The following STK3 variants were observed in gnomAD, a reference collection of about 807,000 sequenced individuals.
The protein encoded by STK3 is serine/threonine kinase 3.
STK3 carries 41 observed loss-of-function variants against 58.0 expected under a neutral mutation model. The observed-to-expected ratio is 0.71, with a 90% CI of 0.55 to 0.92. The LOEUF (loss-of-function observed/expected upper bound fraction) is 0.92. Ranked by LOEUF, STK3 falls within the 40% of genes least tolerant of loss-of-function variation. The pLI, the probability that STK3 is intolerant of heterozygous loss-of-function variation, is 0.00. For missense variants in STK3, 479 were observed against 602.7 expected (o/e 0.79, Z 2.15); for synonymous variants, 170 against 191.0 (o/e 0.89, Z 0.91).
chr8:98,364,264 T>TC, the STK3 span, among the ~76,000 whole-genome samples: 1 of 152,186 alleles, frequency 6.6e-6, no homozygotes, highest in African/African-American at 2.4e-5. Flanking sequence ...TCGCCTGCTT[T>TC]CCATCAGCCG....
intron 1 of STK3, among the ~76,000 whole-genome samples, chr8:98,813,077 C>A (rs1326546246): frequency 1.3e-5 from 2 of 151,580 alleles, no homozygotes; most frequent in Non-Finnish European, 2.9e-5. Flanking sequence ...TCAAAAGATG[C>A]TGACGACGTC....
chr8:98,591,371 G>C (rs1333069676), intron 7 of STK3, among the ~76,000 whole-genome samples: 1 of 152,164 alleles, frequency 6.6e-6, no homozygotes, highest in African/African-American at 2.4e-5. Context: ...CACGTTTTTG[G>C]TAGGCTAGGC....
At chr8:98,902,720 T>A (rs532647527) in intron 1 of STK3, among the ~76,000 whole-genome samples, 84 of 152,216 alleles carry the variant, frequency 5.5e-4, no homozygotes, top group Non-Finnish European at 1.0e-3. Flanking sequence ...CATGTCACTA[T>A]CCTACACAAA....
At chr8:98,848,674 T>C (rs1836312117) in intron 3 of STK3, among the ~76,000 whole-genome samples, 1 of 152,262 alleles carries the variant, frequency 6.6e-6, no homozygotes, top group Non-Finnish European at 1.5e-5. Context: ...TGGTAGCATA[T>C]ATCAGAACTT....
chr8:98,435,279 T>C (rs1818446453), intron 2 of STK3, among the ~76,000 whole-genome samples: 1 of 152,146 alleles, frequency 6.6e-6, no homozygotes, highest in Non-Finnish European at 1.5e-5. Context: ...GAAAAAACCT[T>C]TTCCTCCAGT....
upstream of STK3, among the ~76,000 whole-genome samples, chr8:98,389,982 C>T (rs1001797760): frequency 2.6e-5 from 4 of 152,110 alleles, no homozygotes; most frequent in East Asian, 7.7e-4. Context: ...CCCCCTTTCC[C>T]CACAGCACTG....
At chr8:98,699,163 AG>A (rs1825293946) in intron 6 of STK3, among the ~76,000 whole-genome samples, 1 of 152,018 alleles carries the variant, frequency 6.6e-6, no homozygotes, top group Non-Finnish European at 1.5e-5. Flanking sequence ...TCGGCTCCTG[AG>A]GCTTCTGCAT....
intron 6 of STK3, among the ~76,000 whole-genome samples, chr8:98,653,190 G>T (rs768493334): frequency 6.6e-6 from 1 of 152,060 alleles, no homozygotes; most frequent in Non-Finnish European, 1.5e-5. Flanking sequence ...ACTCAAAACC[G>T]CTCAACTACA....
intron 6 of STK3, among the ~76,000 whole-genome samples, chr8:98,704,534 T>A (rs1398911276): frequency 1.3e-5 from 2 of 151,712 alleles, no homozygotes; most frequent in African/African-American, 4.8e-5. Flanking sequence ...AAAATCCAAG[T>A]TGGGACTTGA....
rs999032259 is a variant in STK3 at position 98,541,201 on chromosome 8, C to T, written c.1141+6768G>A. 2.5e-4 allele frequency among the ~76,000 whole-genome samples: 38 copies of T among 152,128 alleles called. 1 individual carries two copies. The highest frequency in any genetic ancestry group is 8.5e-4 in the African/African-American group (35 of 41,412). On this transcript the variant is annotated intron_variant, in intron 9 of 10. Coordinates refer to ENST00000419617, the MANE Select transcript of STK3 (RefSeq NM_006281.4). ...TTAATATGGCTTGGCTCTATGCCCC[C>T]ACCTAAATCTCACGTTGAATTTTAA... is the stretch of plus-strand genomic sequence containing the variant.
At chr8:98,902,385 C>T (rs1838690493) in intron 1 of STK3, among the ~76,000 whole-genome samples, 4 of 152,184 alleles carry the variant, frequency 2.6e-5, no homozygotes. Flanking sequence ...ATTTCTGAAA[C>T]TCTTGATCTT....
chr8:98,903,556 C>CTTCTTCTTCTTCCT (rs200556218), intron 1 of STK3, among the ~76,000 whole-genome samples: 3 of 50,514 alleles, frequency 5.9e-5, no homozygotes, highest in African/African-American at 2.0e-4. Context: ...TCTTCTTCTT[C>CTTCTTCTTCTTCCT]CTTTTTTTTT....
At chr8:98,459,548 T>C (rs530189284) in intron 10 of STK3, among the ~76,000 whole-genome samples, 1 of 152,174 alleles carries the variant, frequency 6.6e-6, no homozygotes, top group South Asian at 2.1e-4. Context: ...GCCGAGACAA[T>C]GGGGAAAATG....
chr8:98,363,205 C>G, the STK3 span, among the ~76,000 whole-genome samples: 1 of 152,166 alleles, frequency 6.6e-6, no homozygotes, highest in African/African-American at 2.4e-5. Flanking sequence ...TAGCAGCATG[C>G]ATTTTTCTAT....
chr8:98,700,262 G>C (rs993812457), intron 6 of STK3, among the ~76,000 whole-genome samples: 5 of 152,274 alleles, frequency 3.3e-5, no homozygotes, highest in Middle Eastern at 3.4e-3. Flanking sequence ...TCCAGGTGCC[G>C]TCTGTCACCC....
intron 4 of STK3, among the ~76,000 whole-genome samples, chr8:98,731,441 C>A (rs1049757809): frequency 2.6e-5 from 4 of 152,082 alleles, no homozygotes; most frequent in African/African-American, 9.7e-5. Context: ...TTCAGGGGGC[C>A]GGGCGCAGTG....
At chr8:98,937,893 AC>A (rs982333885) in intron 1 of STK3, among the ~76,000 whole-genome samples, 9 of 152,240 alleles carry the variant, frequency 5.9e-5, no homozygotes, top group Admixed American at 2.6e-4. Context: ...ACTATATCAA[AC>A]CATCTGCACT....
chr8:98,403,012 C>G (rs985036521), intron 3 of STK3, among the ~76,000 whole-genome samples: 8 of 152,174 alleles, frequency 5.3e-5, no homozygotes, highest in Non-Finnish European at 1.0e-4. Context: ...GGGCCTTGCA[C>G]TAATTGTGAA....
chr8:98,713,876 C>T (rs958415526), intron 4 of STK3, among the ~76,000 whole-genome samples: 1 of 152,080 alleles, frequency 6.6e-6, no homozygotes, highest in Non-Finnish European at 1.5e-5. Context: ...ATGCAAAAAT[C>T]CTCAATAAAA....
Sources: gnomAD v4.1 joint callset for allele counts (sites outside exome capture counted in the v4.1 genomes callset) on GRCh38, gnomAD v4.1.1 for gene constraint, MANE v1.5 for transcripts, NCBI Gene and HGNC (gene_info 2026-07-23, HGNC 2026-07-21) for gene names.